IGF2BP3: variants seen among roughly 807,000 people sequenced by gnomAD.
The protein encoded by IGF2BP3 is insulin like growth factor 2 mRNA binding protein 3, also known as insulin-like growth factor 2 mRNA-binding protein 3.
A neutral mutation model predicts 73.8 loss-of-function variants in IGF2BP3; 9 were observed. The ratio of observed to expected loss-of-function variants is 0.12; its 90% CI spans 0.07 to 0.21. The LOEUF (loss-of-function observed/expected upper bound fraction) is 0.21. IGF2BP3 is among the 10% of genes least tolerant of loss of function. The pLI, the probability that IGF2BP3 is intolerant of heterozygous loss-of-function variation, is 1.00. For synonymous variants in IGF2BP3, 258 were observed against 256.7 expected, an observed-to-expected ratio of 1.01 and a Z score of -0.05; for missense variants, 542 against 714.0, an observed-to-expected ratio of 0.76 and a Z score of 2.75.
chr7:23,391,280 A>G (rs988999946), intron 3 of IGF2BP3, among the ~76,000 whole-genome samples: 4 of 151,690 alleles, frequency 2.6e-5, no homozygotes, highest in Non-Finnish European at 5.9e-5. Flanking sequence ...TTATATTTTT[A>G]GTAGAGACAT....
chr7:23,398,344 G>C (rs1031407805), intron 3 of IGF2BP3, among the ~76,000 whole-genome samples: 3 of 152,146 alleles, frequency 2.0e-5, no homozygotes, highest in Non-Finnish European at 2.9e-5. Context: ...CCAAGTCTTT[G>C]CTACTGTTAA....
chr7:23,460,434 A>C (rs1379267429), intron 2 of IGF2BP3, among the ~76,000 whole-genome samples: 3 of 151,836 alleles, frequency 2.0e-5, no homozygotes, highest in Admixed American at 2.0e-4. Flanking sequence ...CAAGAGGCTG[A>C]AGCAGGAGAA....
chr7:23,363,102 G>GTATT (rs1366296797), intron 3 of IGF2BP3, among the ~76,000 whole-genome samples: 8 of 152,270 alleles, frequency 5.3e-5, no homozygotes, highest in East Asian at 3.9e-4. Flanking sequence ...TTTTTCAGGT[G>GTATT]CCAGGAAATA....
chr7:23,447,649 A>G (rs1231397036), intron 2 of IGF2BP3, among the ~76,000 whole-genome samples: 1 of 152,004 alleles, frequency 6.6e-6, no homozygotes, highest in Non-Finnish European at 1.5e-5. Flanking sequence ...CAACAAAAAA[A>G]TGAAGACCAA....
At chr7:23,456,274 TTTG>T (rs1788315378) in intron 2 of IGF2BP3, among the ~76,000 whole-genome samples, 1 of 152,098 alleles carries the variant, frequency 6.6e-6, no homozygotes, top group Non-Finnish European at 1.5e-5. Context: ...CAGCATTTTT[TTTG>T]TTGTTTTTTT....
At chr7:23,342,232 T>C (rs1784731715) in intron 9 of IGF2BP3, 43 bp from the exon 10 acceptor site, 1 of 1,608,824 alleles carries the variant, frequency 6.2e-7, no homozygotes, top group Non-Finnish European at 8.5e-7. Context: ...ATTAAAAGAA[T>C]CAAGGGAAAG....
At chr7:23,432,929 G>C (rs1787721976) in intron 2 of IGF2BP3, among the ~76,000 whole-genome samples, 1 of 152,192 alleles carries the variant, frequency 6.6e-6, no homozygotes, top group Non-Finnish European at 1.5e-5. Flanking sequence ...ACTGCGCCCA[G>C]CCTGTATATG....
At chr7:23,428,938 C>T (rs1295429627) in intron 2 of IGF2BP3, among the ~76,000 whole-genome samples, 1 of 152,082 alleles carries the variant, frequency 6.6e-6, no homozygotes, top group African/African-American at 2.4e-5. Context: ...CATGTTAGCT[C>T]CTTCATCTTT....
At chr7:23,384,304 G>A (rs942422501) in intron 3 of IGF2BP3, among the ~76,000 whole-genome samples, 6 of 151,932 alleles carry the variant, frequency 3.9e-5, no homozygotes, top group Admixed American at 6.6e-5. Context: ...GGGTTCAGTG[G>A]GGGGAAAGAA....
At chr7:23,468,870 A>T (rs112858377) in intron 1 of IGF2BP3, among the ~76,000 whole-genome samples, 1,865 of 152,288 alleles carry the variant, frequency 0.012, 17 homozygotes, top group South Asian at 0.035. Context: ...ACCGCCCTGG[A>T]CACGCTCCAC....
chr7:23,338,585 G>A (rs943692172), intron 10 of IGF2BP3, among the ~76,000 whole-genome samples: 2 of 152,110 alleles, frequency 1.3e-5, no homozygotes, highest in Non-Finnish European at 2.9e-5. Context: ...TGCTCCCACT[G>A]AGATTTTTAT....
At chr7:23,393,711 A>C (rs2128522132) in intron 3 of IGF2BP3, among the ~76,000 whole-genome samples, 1 of 152,336 alleles carries the variant, frequency 6.6e-6, no homozygotes, top group Admixed American at 6.5e-5. Flanking sequence ...ACAGGCTCTT[A>C]AAAGATCATC....
At chr7:23,419,847 C>T (rs1170824612) in intron 2 of IGF2BP3, among the ~76,000 whole-genome samples, 1 of 151,842 alleles carries the variant, frequency 6.6e-6, no homozygotes, top group East Asian at 1.9e-4. Flanking sequence ...AGCGAGACTC[C>T]ATCTCAAAAA....
At chr7:23,391,612 A>G (rs538062163) in intron 3 of IGF2BP3, among the ~76,000 whole-genome samples, 1 of 152,348 alleles carries the variant, frequency 6.6e-6, no homozygotes, top group East Asian at 1.9e-4. Context: ...ACTGGGACTT[A>G]TATTACAATG....
intron 2 of IGF2BP3, among the ~76,000 whole-genome samples, chr7:23,419,034 A>G (rs1787271459): frequency 6.6e-6 from 1 of 152,226 alleles, no homozygotes; most frequent in African/African-American, 2.4e-5. Context: ...CATTTATCGG[A>G]CTGTTATGAC....
At chr7:23,445,627 A>G (rs1181888515) in intron 2 of IGF2BP3, among the ~76,000 whole-genome samples, 1 of 152,188 alleles carries the variant, frequency 6.6e-6, no homozygotes, top group Non-Finnish European at 1.5e-5. Context: ...CTAAGAATAA[A>G]TAGGAACACT....
chr7:23,327,092 TA>T (rs893716333), intron 10 of IGF2BP3, among the ~76,000 whole-genome samples: 52 of 151,712 alleles, frequency 3.4e-4, no homozygotes, highest in African/African-American at 1.3e-3. Flanking sequence ...ATTAATTAAT[TA>T]AAAAAGAAGA....
In IGF2BP3 at chr7:23,429,384, G is replaced by A. The variant is rs565515343; in HGVS notation, c.237-10560C>T. On this transcript the variant is annotated intron_variant, in intron 2 of 14. Transcript: ENST00000258729. The stretch of plus-strand genomic sequence containing the variant: ...TACAGATTAGGAAACAAAGGCAGAA[G>A]TAATTTAATTTGTCTGAATACACAC... Among the ~76,000 whole-genome samples, 4 of 152,260 alleles carry A rather than the reference G, an allele frequency of 2.6e-5. No homozygotes were observed. The South Asian group carries it at 8.3e-4, about 32-fold the overall frequency.
At chr7:23,390,127 T>C (rs1786225861) in intron 3 of IGF2BP3, among the ~76,000 whole-genome samples, 2 of 152,316 alleles carry the variant, frequency 1.3e-5, no homozygotes, top group South Asian at 2.1e-4. Flanking sequence ...GGAAAAACAA[T>C]GTCTTGTCCA....
Sources: allele counts gnomAD v4.1 joint callset (sites outside exome capture counted in the v4.1 genomes callset), GRCh38; gene constraint gnomAD v4.1.1; transcripts MANE v1.5; gene names NCBI Gene and HGNC (gene_info 2026-07-23, HGNC 2026-07-21).